GPC5: variants seen among roughly 807,000 people sequenced by gnomAD.
GPC5 encodes glypican 5.
Under a neutral mutation model 53.9 loss-of-function variants are expected in GPC5, and 47 were observed. The ratio of observed to expected loss-of-function variants is 0.87; its 90% CI spans 0.69 to 1.11. The LOEUF (loss-of-function observed/expected upper bound fraction) is 1.11. GPC5 is among the 50% of genes most tolerant of loss of function. The pLI is 0.00. For synonymous variants in GPC5, 286 were observed against 263.3 expected, an observed-to-expected ratio of 1.09 and a Z score of -0.84; for missense variants, 748 against 713.1, an observed-to-expected ratio of 1.05 and a Z score of -0.56.
chr13:91,820,649 G>A (rs1461337959), intron 5 of GPC5, among the ~76,000 whole-genome samples: 2 of 152,170 alleles, frequency 1.3e-5, no homozygotes, highest in Non-Finnish European at 2.9e-5. Flanking sequence ...TGCATGTTTA[G>A]TTGAGCTTTA....
intron 7 of GPC5, among the ~76,000 whole-genome samples, chr13:92,406,394 C>T (rs1266609912): frequency 6.6e-6 from 1 of 152,090 alleles, no homozygotes; most frequent in Non-Finnish European, 1.5e-5. Context: ...TATTTTAACC[C>T]TTTTTAAATT....
chr13:91,776,643 C>T (rs1283572622), intron 5 of GPC5, among the ~76,000 whole-genome samples: 1 of 152,150 alleles, frequency 6.6e-6, no homozygotes, highest in African/African-American at 2.4e-5. Flanking sequence ...TGCTAGAGCT[C>T]ATATTATTTC....
intron 7 of GPC5, among the ~76,000 whole-genome samples, chr13:92,567,871 C>T (rs1443476958): frequency 6.6e-6 from 1 of 152,082 alleles, no homozygotes; most frequent in African/African-American, 2.4e-5. Flanking sequence ...GGTATGGCAG[C>T]ACTATAAAAC....
intron 3 of GPC5, among the ~76,000 whole-genome samples, chr13:91,725,616 C>A (rs2036560589): frequency 1.3e-5 from 2 of 152,116 alleles, no homozygotes; most frequent in African/African-American, 4.8e-5. Context: ...TCTTATAAGT[C>A]TATGGCTAGA....
At chr13:92,752,784 G>A (rs1874629978) in intron 7 of GPC5, among the ~76,000 whole-genome samples, 1 of 152,234 alleles carries the variant, frequency 6.6e-6, no homozygotes. Context: ...TTTCCAACGG[G>A]CTTAAAAAAC....
At chr13:91,570,202 G>GT (rs1197029627) in intron 2 of GPC5, among the ~76,000 whole-genome samples, 2 of 152,156 alleles carry the variant, frequency 1.3e-5, no homozygotes, top group Non-Finnish European at 1.5e-5. Context: ...GAAAGTTAAT[G>GT]TTTTTTTCTT....
At chr13:92,603,586 C>T (rs959930224) in intron 7 of GPC5, among the ~76,000 whole-genome samples, 1 of 152,054 alleles carries the variant, frequency 6.6e-6, no homozygotes, top group African/African-American at 2.4e-5. Context: ...TAAGAGAGCT[C>T]CAGGAATATT....
At position 92,070,609 on chromosome 13, in the gene GPC5, CT is replaced by C. The variant is rs1173033812; in HGVS notation, c.1402-74214del. Among the ~76,000 whole-genome samples the C allele has an allele frequency of 4.6e-5, 7 of 152,258 alleles. No homozygotes were observed. The East Asian group carries it at 1.4e-3, about 29-fold the overall frequency. Reference sequence around the variant, plus strand: ...TGTATATCTCCTTACTAAACTAACACTTTTTTTATTTTTGAATCTGCATCAA... The same window carrying C: ...TGTATATCTCCTTACTAAACTAACACTTTTTTATTTTTGAATCTGCATCAA... On this transcript the variant is annotated intron_variant, in intron 6 of 7. Coordinates refer to ENST00000377067, the MANE Select transcript of GPC5 (RefSeq NM_004466.6).
chr13:91,779,598 T>C (rs941626259), intron 5 of GPC5, among the ~76,000 whole-genome samples: 2 of 152,184 alleles, frequency 1.3e-5, no homozygotes, highest in African/African-American at 4.8e-5. Context: ...TGGGCTCAAG[T>C]GGTCTGCCTG....
intron 7 of GPC5, among the ~76,000 whole-genome samples, chr13:92,860,816 TAC>T (rs1204621568): frequency 1.3e-5 from 2 of 152,180 alleles, no homozygotes; most frequent in African/African-American, 2.4e-5. Flanking sequence ...TCCTTTATTT[TAC>T]AGTCTGAGTT....
chr13:91,658,508 A>G (rs1001473178), intron 2 of GPC5, among the ~76,000 whole-genome samples: 6 of 152,208 alleles, frequency 3.9e-5, no homozygotes, highest in African/African-American at 1.2e-4. Flanking sequence ...TTTCAATCCA[A>G]TTAGGCACCC....
intron 6 of GPC5, among the ~76,000 whole-genome samples, chr13:92,113,900 G>A (rs2041578772): frequency 6.6e-6 from 1 of 152,124 alleles, no homozygotes. Flanking sequence ...TTATCTTTGA[G>A]AGAACATTTG....
chr13:91,654,186 C>T (rs1368410814), intron 2 of GPC5, among the ~76,000 whole-genome samples: 3 of 152,118 alleles, frequency 2.0e-5, no homozygotes, highest in Non-Finnish European at 4.4e-5. Context: ...TTCCTGGTTC[C>T]ACACAGTGAG....
chr13:91,730,631 C>G (rs1229770062), intron 4 of GPC5, among the ~76,000 whole-genome samples: 1 of 152,160 alleles, frequency 6.6e-6, no homozygotes, highest in Admixed American at 6.6e-5. Context: ...TCAGATAGCA[C>G]TGAATAAGTA....
At chr13:92,433,322 A>G (rs931952190) in intron 7 of GPC5, among the ~76,000 whole-genome samples, 2 of 152,154 alleles carry the variant, frequency 1.3e-5, no homozygotes, top group Non-Finnish European at 2.9e-5. Context: ...TAGACAAAAG[A>G]GGAGGTTGTT....
rs1269692507 is a variant in GPC5 at position 91,924,490 on chromosome 13, C to T, written c.1401+16433C>T. Among the ~76,000 whole-genome samples, 8 of 151,966 alleles carry T rather than the reference C, an allele frequency of 5.3e-5. No individual in the cohort carries two copies. In the South Asian group the frequency reaches 6.3e-4, roughly 12 times the overall value. On this transcript the variant is annotated intron_variant, in intron 6 of 7. Transcript: ENST00000377067. ...ATGGAATCCTAACACTTTGGGAGGCCGAGGCTGGCAGATTGCTTGAGCCCA... is the reference window on the plus strand; with the variant it reads ...ATGGAATCCTAACACTTTGGGAGGCTGAGGCTGGCAGATTGCTTGAGCCCA...
At position 91,693,319 on chromosome 13, in the gene GPC5, T is replaced by G. The variant is rs755127287; in HGVS notation, c.458T>G (p.Phe153Cys). Reference protein sequence around the residue: ...EFFTDVGLYLFGADVNPEEFV... With the variant: ...EFFTDVGLYLCGADVNPEEFV... ...TTCACTGATGTGGGGCTGTATTTAT[T>G]TGGTGCGGATGTTAATCCTGAAGAA... is the stretch of plus-strand genomic sequence containing the variant. The change falls in exon 3 of 8, where the codon TTT becomes TGT. Residue 153 changes from phenylalanine (F) to cysteine (C), a missense_variant. By Grantham distance (205) the Phe-to-Cys change is radical. Coordinates refer to ENST00000377067, the MANE Select transcript of GPC5 (RefSeq NM_004466.6). 1 of 1,614,112 alleles carries G rather than the reference T, an allele frequency of 6.2e-7. No homozygotes were observed. The highest frequency in any genetic ancestry group is 8.5e-7 in the Non-Finnish European group (1 of 1,180,002).
chr13:92,017,212 T>C (rs2040715448), intron 6 of GPC5, among the ~76,000 whole-genome samples: 1 of 152,212 alleles, frequency 6.6e-6, no homozygotes, highest in African/African-American at 2.4e-5. Context: ...CTGAACCAAC[T>C]CATTACAACC....
chr13:91,815,871 T>C (rs2138817657), intron 5 of GPC5, among the ~76,000 whole-genome samples: 1 of 152,308 alleles, frequency 6.6e-6, no homozygotes, highest in East Asian at 1.9e-4. Context: ...TTCTTCTTTG[T>C]TTACTCCTTC....
Sources: allele counts gnomAD v4.1 joint callset (sites outside exome capture counted in the v4.1 genomes callset), GRCh38; gene constraint gnomAD v4.1.1; transcripts MANE v1.5; gene names NCBI Gene and HGNC (gene_info 2026-07-23, HGNC 2026-07-21).